Variants in CLEC12A observed in about 807,000 individuals in gnomAD.
The protein encoded by CLEC12A is C-type lectin domain family 12 member A, also known as C-type lectin protein CLL-1.
A neutral mutation model predicts 26.5 loss-of-function variants in CLEC12A; 22 were observed. That is an observed-to-expected ratio of 0.83 (90% CI 0.59 to 1.19). The LOEUF (loss-of-function observed/expected upper bound fraction) is 1.19, where lower values mean the gene tolerates loss of function less well. CLEC12A is among the 50% of genes most tolerant of loss of function. The probability of loss-of-function intolerance (pLI) is 0.00; values close to 1 mark genes in which losing one functional copy is unlikely to be tolerated. For missense variants in CLEC12A, 353 were observed against 315.6 expected (o/e 1.12, Z -0.90); for synonymous variants, 119 against 101.9 (o/e 1.17, Z -1.01).
At position 9,982,130 on chromosome 12, in the gene CLEC12A, G is replaced by T. The variant is rs746049291; in HGVS notation, c.641+1G>T. The stretch of plus-strand genomic sequence containing the variant: ...ATAATATAATCAACTCCTCTGCCTG[G>T]TAAGTGTCTATTCTTGTTAGAATTT... On this transcript the variant is annotated splice_donor_variant, in intron 5 of 5. Transcript: ENST00000304361. LOFTEE classifies it high-confidence loss of function. 18 of 1,477,730 alleles carry T rather than the reference G, an allele frequency of 1.2e-5. No homozygotes were observed. The South Asian group carries it at 1.8e-4, about 15-fold the overall frequency. The allele number at this position is 1,477,730 out of a possible 1,614,324, so 91.5% of individuals were successfully genotyped here.
chr12:10,002,142 A>G, the CLEC12A span, among the ~76,000 whole-genome samples: 2 of 152,074 alleles, frequency 1.3e-5, no homozygotes, highest in Admixed American at 1.3e-4. Flanking sequence ...CGGCCTCCCA[A>G]AGTGCTGGGA....
At chr12:9,951,496 T>C (rs1371441369) in intron 1 of CLEC12A, 2 of 667,394 alleles carry the variant, frequency 3.0e-6, no homozygotes, top group African/African-American at 3.6e-5. Context: ...TCAGACACTC[T>C]TGGGGCTTGT....
At chr12:9,965,755 T>C (rs984018349) in intron 1 of CLEC12A, among the ~76,000 whole-genome samples, 3 of 152,048 alleles carry the variant, frequency 2.0e-5, no homozygotes, top group Admixed American at 6.5e-5. Context: ...TAAAAGGCCA[T>C]GCTGTAGCAG....
At chr12:9,960,439 T>C (rs1193546154) in intron 1 of CLEC12A, among the ~76,000 whole-genome samples, 1 of 152,220 alleles carries the variant, frequency 6.6e-6, no homozygotes, top group Non-Finnish European at 1.5e-5. Flanking sequence ...ATCTATATTA[T>C]TTATCATCCT....
chr12:9,982,343 A>T (rs1265620950), intron 5 of CLEC12A, among the ~76,000 whole-genome samples: 1 of 152,154 alleles, frequency 6.6e-6, no homozygotes, highest in Non-Finnish European at 1.5e-5. Flanking sequence ...AAATTACAGC[A>T]GCCAAATTAT....
At chr12:9,954,298 C>T (rs1863705842) in intron 1 of CLEC12A, among the ~76,000 whole-genome samples, 2 of 150,338 alleles carry the variant, frequency 1.3e-5, no homozygotes, top group Non-Finnish European at 2.9e-5. Flanking sequence ...AGTTCGAGAC[C>T]AGCCTGGGCA....
chr12:9,980,518 A>G, intron 3 of CLEC12A, 64 bp from the exon 4 acceptor site: 1 of 1,430,738 alleles, frequency 7.0e-7, no homozygotes, highest in Non-Finnish European at 9.6e-7. Context: ...CAGAGAGGAA[A>G]GGAAATAATA....
At chr12:9,996,660 G>A (rs1591851006), downstream of CLEC12A, 10 of 712,354 alleles carry the variant, frequency 1.4e-5, no homozygotes, top group Middle Eastern at 3.6e-4. Context: ...CTCTATCAGT[G>A]TTGTAGAATA....
chr12:9,963,907 G>A (rs966273233), intron 1 of CLEC12A, among the ~76,000 whole-genome samples: 19 of 152,186 alleles, frequency 1.2e-4, no homozygotes, highest in African/African-American at 2.9e-4. Context: ...TTTTCATGGT[G>A]TATGAGAAAA....
chr12:9,983,549 G>A, intron 5 of CLEC12A: 1 of 696,258 alleles, frequency 1.4e-6, no homozygotes, highest in South Asian at 1.5e-5. Context: ...AACGAAGAAA[G>A]AAACCAGAGT....
rs573427420 is a variant in CLEC12A, at chr12:9,984,886, C to T, written c.658C>T (p.Pro220Ser). 34 of 1,525,398 alleles carry T rather than the reference C, an allele frequency of 2.2e-5. No individual in the cohort carries two copies. In the East Asian group the frequency reaches 2.9e-4, roughly 13 times the overall value. 94.5% of individuals were successfully genotyped at this position (1,525,398 alleles called of 1,614,324 possible). A position where few individuals can be genotyped will look rare whatever the true frequency, so the allele number is the denominator to read the frequency against. The change falls in exon 6 of 6, where the codon CCT becomes TCT. Residue 220 changes from proline (P) to serine (S), a missense_variant. By Grantham distance (74) the Pro-to-Ser change is moderately conservative. Transcript: ENST00000304361. Reference protein sequence around the residue: ...NSSAWVIRNAPDLNNMYCGYI... With the variant: ...NSSAWVIRNASDLNNMYCGYI... The stretch of plus-strand genomic sequence containing the variant: ...CTCTTTCAGGGTTATAAGAAACGCA[C>T]CTGACTTAAATAACATGTATTGTGG...
chr12:9,972,083 C>T (rs1864153000), intron 1 of CLEC12A, among the ~76,000 whole-genome samples: 1 of 150,870 alleles, frequency 6.6e-6, no homozygotes, highest in African/African-American at 2.4e-5. Flanking sequence ...TAAGAAAATG[C>T]TTTGTGTCAG....
intron 5 of CLEC12A, 140 bp downstream of exon 5, chr12:9,982,269 A>G: frequency 1.7e-6 from 1 of 583,462 alleles, no homozygotes; most frequent in Non-Finnish European, 3.0e-6. Flanking sequence ...TGCTTCTTTG[A>G]TGTATTTTCT....
intron 5 of CLEC12A, 105 bp downstream of exon 5, chr12:9,982,234 A>C: frequency 3.1e-6 from 2 of 649,432 alleles, no homozygotes; most frequent in South Asian, 3.6e-5. Context: ...TTGAAATTGC[A>C]TGCTAAAAGA....
chr12:9,971,820 G>A, intron 1 of CLEC12A, 133 bp downstream of exon 1: 2 of 678,996 alleles, frequency 2.9e-6, no homozygotes, highest in African/African-American at 1.9e-5. Context: ...TTAAGCAAAG[G>A]AACAAAAAGT....
Position 9,979,361 on chromosome 12 carries a change from GA to G in CLEC12A, c.223del (p.Met75Ter). 1.9e-6 allele frequency: 3 copies of G among 1,597,354 alleles called. No homozygotes were observed. Among genetic ancestry groups the G allele is most frequent in the Non-Finnish European group, 1.7e-6 (2 of 1,171,450 alleles). On this transcript the variant is annotated frameshift_variant, in exon 3 of 6. Transcript: ENST00000304361. LOFTEE classifies it high-confidence loss of function. ...MFHVTLKIEM[K>X]KMNKLQNISE... The stretch of plus-strand genomic sequence containing the variant: ...TTCACGTAACTTTGAAGATAGAAAT[GA>G]AAAAAATGAACAAACTACAAAACAT...
At chr12:9,998,175 A>G, downstream of CLEC12A, 1 of 811,296 alleles carries the variant, frequency 1.2e-6, no homozygotes, top group East Asian at 2.4e-5. Context: ...ACAACTGTAG[A>G]AGTGATAAAC....
chr12:9,998,557 T>C (rs7980694), downstream of CLEC12A, among the ~76,000 whole-genome samples: 15,256 of 76,694 alleles, frequency 0.2, 3,574 homozygotes, highest in Middle Eastern at 0.28. Flanking sequence ...GGCCCACCCC[T>C]ATACCATACA....
intron 1 of CLEC12A, among the ~76,000 whole-genome samples, chr12:9,975,408 A>G (rs1864296656): frequency 6.6e-6 from 1 of 152,142 alleles, no homozygotes; most frequent in Non-Finnish European, 1.5e-5. Context: ...TGGGAACGGG[A>G]GCAAAGGTGA....
Sources: allele counts gnomAD v4.1 joint callset (sites outside exome capture counted in the v4.1 genomes callset), GRCh38; gene constraint gnomAD v4.1.1; transcripts MANE v1.5; gene names NCBI Gene and HGNC (gene_info 2026-07-23, HGNC 2026-07-21).